The following ADGRG4 variants were observed in gnomAD, a reference collection of about 807,000 sequenced individuals.
ADGRG4 encodes G protein-coupled receptor 112.
A neutral mutation model predicts 126.2 loss-of-function variants in ADGRG4; 122 were observed. The ratio of observed to expected loss-of-function variants is 0.97; its 90% CI spans 0.83 to 1.12. The LOEUF is 1.12. Ranked by LOEUF, ADGRG4 falls within the 50% of genes most tolerant of loss-of-function variation. ADGRG4 has a pLI of 0.00. For missense variants in ADGRG4, 2,481 were observed against 2,251.8 expected, an observed-to-expected ratio of 1.10 and a Z score of -2.06; for synonymous variants, 943 against 838.7, an observed-to-expected ratio of 1.12 and a Z score of -2.15.
At position 136,372,960 on chromosome X, in the gene ADGRG4, A is replaced by T. The variant is rs779666979; in HGVS notation, c.7672A>T (p.Asn2558Tyr). 3.1e-5 allele frequency: 38 copies of T among 1,209,324 alleles called. No individual in the cohort carries two copies. In the Admixed American group the frequency reaches 5.5e-4, roughly 17 times the overall value. The change falls in exon 15 of 26, where the codon AAT becomes TAT. Residue 2558 changes from asparagine to tyrosine, a missense_variant. Transcript: ENST00000394143. Reference sequence around the variant, plus strand: ...GATGGAGTTTTCTGGGCAGATAGCAAATCTGACGGTGGCCGGGCTGGCTTT... The same window carrying T: ...GATGGAGTTTTCTGGGCAGATAGCATATCTGACGGTGGCCGGGCTGGCTTT... ...HKMEFSGQIA[N>Y]LTVAGLALAV...
chrX:136,395,671 A>C (rs1016792884), intron 19 of ADGRG4, among the ~76,000 whole-genome samples, 178 bp downstream of exon 19: 8 of 112,123 alleles, frequency 7.1e-5, no homozygotes, highest in African/African-American at 2.6e-4. Context: ...TCTCCTTATA[A>C]AATTAATGCT....
chrX:136,352,548 C>T (rs1226416965), intron 7 of ADGRG4, among the ~76,000 whole-genome samples: 1 of 110,731 alleles, frequency 9.0e-6, no homozygotes, highest in Non-Finnish European at 1.9e-5. Flanking sequence ...GAAAACAATT[C>T]CCTAGAAGTA....
chrX:136,380,787 C>T (rs968239950), intron 15 of ADGRG4, among the ~76,000 whole-genome samples: 5 of 108,499 alleles, frequency 4.6e-5, no homozygotes, highest in African/African-American at 1.3e-4. Flanking sequence ...CCGTAGCTCA[C>T]AGCAGCTTCG....
At chrX:136,405,139 G>A (rs1238815924) in intron 22 of ADGRG4, among the ~76,000 whole-genome samples, 1 of 112,098 alleles carries the variant, frequency 8.9e-6, no homozygotes, top group Non-Finnish European at 1.9e-5. Flanking sequence ...TTTTAAAGCA[G>A]TACACCTAGA....
chrX:136,311,623 G>A (rs1363898679), intron 4 of ADGRG4, among the ~76,000 whole-genome samples: 2 of 110,555 alleles, frequency 1.8e-5, no homozygotes, highest in Non-Finnish European at 3.8e-5. Context: ...AATCTGGGCC[G>A]GAATCAACTT....
intron 5 of ADGRG4, among the ~76,000 whole-genome samples, chrX:136,324,441 A>G (rs755224651): frequency 9.7e-4 from 106 of 109,683 alleles, no homozygotes; most frequent in African/African-American, 3.4e-3. Flanking sequence ...ACAGGGTCTC[A>G]CTCTAGCCAA....
At chrX:136,414,383 G>A (rs2075465575) in intron 25 of ADGRG4, 56 bp downstream of exon 25, 4 of 982,352 alleles carry the variant, frequency 4.1e-6, no homozygotes. Flanking sequence ...TTGAATTAAT[G>A]TGAGACCACA....
chrX:136,379,619 C>T lies in ADGRG4; in HGVS notation c.7776+6555C>T, dbSNP rs764298780. 3.2e-3 allele frequency among the ~76,000 whole-genome samples: 341 copies of T among 108,253 alleles called. 1 individual carries two copies. The highest frequency in any genetic ancestry group is 0.011 in the African/African-American group (316 of 29,606). 94.0% of individuals were successfully genotyped at this position (108,253 alleles called of 115,157 possible). On this transcript the variant is annotated intron_variant, in intron 15 of 25. Coordinates refer to ENST00000394143, the MANE Select transcript of ADGRG4 (RefSeq NM_153834.4). The stretch of plus-strand genomic sequence containing the variant: ...CTGTTTTCCTTTCCTCTCTTATTCT[C>T]TCCTCTCCCTCTGCTTCTTTCTTTG...
rs1325112801 is a variant in ADGRG4 at position 136,345,500 on chromosome X, G to A, written c.1794G>A (p.Met598Ile). The change falls in exon 6 of 26, where the codon ATG (methionine) becomes ATA (isoleucine). Residue 598 changes from methionine to isoleucine, a missense_variant. Transcript: ENST00000394143. The stretch of plus-strand genomic sequence containing the variant: ...TTGCATCTACAGTGGCTGAAACTAT[G>A]CTTTCCTCCACAATCACAGGACGAG... ...ITLASTVAET[M>I]LSSTITGRVY... 8.3e-7 allele frequency: 1 copy of A among 1,209,012 alleles called. No homozygotes were observed. Among genetic ancestry groups the A allele is most frequent in the African/African-American group, 1.8e-5 (1 of 57,054 alleles).
chrX:136,358,920 G>A (rs1482333866), intron 10 of ADGRG4, among the ~76,000 whole-genome samples: 1 of 111,826 alleles, frequency 8.9e-6, no homozygotes, highest in African/African-American at 3.3e-5. Flanking sequence ...GTAATGATGG[G>A]TAAATTGGAG....
Position 136,345,898 on chromosome X carries a change from T to C in ADGRG4, c.2192T>C (p.Leu731Ser), listed in dbSNP as rs781349600. ...TARYTTAVSK[L>S]TSPWFANFSI... ...AGATATACAACAGCTGTATCCAAAT[T>C]GACATCACCATGGTTTGCTAATTTC... Residue 731 changes from leucine (L) to serine (S), a missense_variant, in exon 6 of 26, where the codon TTG becomes TCG. Physicochemically the swap from Leu to Ser is moderately radical, Grantham distance 145. Coordinates refer to ENST00000394143, the MANE Select transcript of ADGRG4 (RefSeq NM_153834.4). 4.1e-6 allele frequency: 5 copies of C among 1,210,085 alleles called. No individual in the cohort carries two copies. In the Admixed American group the frequency reaches 1.1e-4, roughly 26 times the overall value.
chrX:136,316,353 C>T (rs1017357861), intron 4 of ADGRG4, among the ~76,000 whole-genome samples: 8 of 110,294 alleles, frequency 7.3e-5, no homozygotes, highest in African/African-American at 2.6e-4. Flanking sequence ...TCTGATGTTA[C>T]TTAATGCTGT....
At chrX:136,338,781 G>T (rs2148460895) in intron 5 of ADGRG4, among the ~76,000 whole-genome samples, 1 of 111,786 alleles carries the variant, frequency 8.9e-6, no homozygotes, top group African/African-American at 3.2e-5. Flanking sequence ...TTAAAAAATT[G>T]TATCCTGGAC....
intron 23 of ADGRG4, among the ~76,000 whole-genome samples, chrX:136,410,839 G>A (rs2075442487): frequency 8.9e-6 from 1 of 111,943 alleles, no homozygotes; most frequent in South Asian, 3.7e-4. Flanking sequence ...ACGAATAATT[G>A]TATGGCTACA....
chrX:136,301,440 T>G (rs1239679516), intron 1 of ADGRG4, among the ~76,000 whole-genome samples: 1 of 112,382 alleles, frequency 8.9e-6, no homozygotes, highest in Non-Finnish European at 1.9e-5. Context: ...GGTTGTTTGT[T>G]TTTTTCTTGC....
At chrX:136,389,380 G>A (rs894078240) in intron 16 of ADGRG4, among the ~76,000 whole-genome samples, 4 of 112,458 alleles carry the variant, frequency 3.6e-5, no homozygotes, top group African/African-American at 1.3e-4. Flanking sequence ...TCAGAGGGCT[G>A]TGCTTGTCTC....
chrX:136,314,815 A>C (rs945803653), intron 4 of ADGRG4, among the ~76,000 whole-genome samples: 10 of 112,545 alleles, frequency 8.9e-5, no homozygotes, highest in Admixed American at 8.5e-4. Context: ...TAACACTGAC[A>C]CATAGTCAAT....
rs375322857 is a variant in ADGRG4, at chrX:136,351,532, G to T, written c.6813G>T (p.Thr2271=). 17 of 1,059,591 alleles carry T rather than the reference G, an allele frequency of 1.6e-5. No individual in the cohort carries two copies. Among genetic ancestry groups the T allele is most frequent in the Non-Finnish European group, 2.2e-5 (17 of 779,516 alleles). 87.3% of individuals were successfully genotyped at this position (1,059,591 alleles called of 1,213,427 possible). A position where few individuals can be genotyped will look rare whatever the true frequency, so the allele number is the denominator to read the frequency against. ...TTACCAGTGTTATAAATGAATTTAC[G>T]GAAAATTCGGTAAAATAATCTTTTG... ...IPITSVINEF[T]ENSLNSIFQN... is the part of the protein sequence containing the mutation. Residue 2271 remains threonine (T), a synonymous_variant, in exon 7 of 26, where the codon ACG becomes ACT. Transcript: ENST00000394143.
chrX:136,324,105 T>C (rs1227460272), intron 5 of ADGRG4, among the ~76,000 whole-genome samples: 5 of 111,951 alleles, frequency 4.5e-5, no homozygotes, highest in Admixed American at 9.5e-5. Flanking sequence ...GGTGACAATT[T>C]GTCTCATTAT....
Sources: allele counts gnomAD v4.1 joint callset (sites outside exome capture counted in the v4.1 genomes callset), GRCh38; gene constraint gnomAD v4.1.1; transcripts MANE v1.5; gene names NCBI Gene and HGNC (gene_info 2026-07-23, HGNC 2026-07-21).